Variants in PPARGC1A observed in about 807,000 individuals in gnomAD.
PPARGC1A encodes the protein PPARG coactivator 1 alpha, also known as peroxisome proliferator-activated receptor gamma coactivator 1-alpha.
A neutral mutation model predicts 88.7 loss-of-function variants in PPARGC1A; 25 were observed. That is an observed-to-expected ratio of 0.28 (90% CI 0.21 to 0.39). PPARGC1A has a LOEUF of 0.39. PPARGC1A is among the 10% of genes least tolerant of loss of function. The pLI is 1.00. For missense variants in PPARGC1A, 880 were observed against 968.7 expected, an observed-to-expected ratio of 0.91 and a Z score of 1.22; for synonymous variants, 363 against 355.6, an observed-to-expected ratio of 1.02 and a Z score of -0.24.
chr4:24,122,096 C>T, the PPARGC1A span, among the ~76,000 whole-genome samples: 5 of 152,174 alleles, frequency 3.3e-5, no homozygotes, highest in South Asian at 2.1e-4. Flanking sequence ...GGTTTGGGTT[C>T]GGTGTGACAG....
At chr4:24,083,271 G>C in the PPARGC1A span, among the ~76,000 whole-genome samples, 1 of 152,056 alleles carries the variant, frequency 6.6e-6, no homozygotes, top group Non-Finnish European at 1.5e-5. Context: ...CTCCCTAACT[G>C]AGCTATAGCT....
At chr4:24,405,745 A>G in the PPARGC1A span, among the ~76,000 whole-genome samples, 2 of 152,152 alleles carry the variant, frequency 1.3e-5, no homozygotes, top group African/African-American at 4.8e-5. Context: ...GAAAGAACAC[A>G]TTAGAGGACA....
the PPARGC1A span, among the ~76,000 whole-genome samples, chr4:24,026,031 T>A: frequency 6.6e-6 from 1 of 152,198 alleles, no homozygotes; most frequent in African/African-American, 2.4e-5. Flanking sequence ...CTGCCCTACA[T>A]CTTTAAAACC....
the PPARGC1A span, among the ~76,000 whole-genome samples, chr4:24,131,430 A>G: frequency 1.3e-5 from 2 of 152,216 alleles, no homozygotes; most frequent in South Asian, 4.1e-4. Flanking sequence ...ACCAGTAAGT[A>G]AGATATGATC....
the PPARGC1A span, among the ~76,000 whole-genome samples, chr4:23,974,250 A>G: frequency 6.6e-6 from 1 of 152,216 alleles, no homozygotes; most frequent in Non-Finnish European, 1.5e-5. Flanking sequence ...ACCATCTGTG[A>G]CAATGTTATA....
At chr4:23,834,328 C>CAT (rs1394263160) in intron 2 of PPARGC1A, among the ~76,000 whole-genome samples, 1 of 151,258 alleles carries the variant, frequency 6.6e-6, no homozygotes, top group Non-Finnish European at 1.5e-5. Context: ...TACACACACA[C>CAT]ATATATATAA....
the PPARGC1A span, among the ~76,000 whole-genome samples, chr4:24,438,282 G>A: frequency 2.0e-5 from 3 of 152,188 alleles, no homozygotes; most frequent in African/African-American, 7.2e-5. Flanking sequence ...GTAAGAAACA[G>A]ATGTGAGAGT....
At chr4:24,188,022 TC>T in the PPARGC1A span, among the ~76,000 whole-genome samples, 1 of 152,172 alleles carries the variant, frequency 6.6e-6, no homozygotes, top group African/African-American at 2.4e-5. Flanking sequence ...ACAGCATATA[TC>T]CAAAAGCCTG....
At chr4:24,208,182 T>C in the PPARGC1A span, among the ~76,000 whole-genome samples, 2 of 151,348 alleles carry the variant, frequency 1.3e-5, no homozygotes, top group Non-Finnish European at 2.9e-5. Flanking sequence ...ACTAGGGAGG[T>C]TGAGATGGGA....
At chr4:24,326,177 C>T in the PPARGC1A span, among the ~76,000 whole-genome samples, 1 of 152,126 alleles carries the variant, frequency 6.6e-6, no homozygotes, top group African/African-American at 2.4e-5. Flanking sequence ...ACCTAATCAC[C>T]CTTACCCCGC....
chr4:24,028,686 T>C, the PPARGC1A span, among the ~76,000 whole-genome samples: 1 of 152,158 alleles, frequency 6.6e-6, no homozygotes, highest in Non-Finnish European at 1.5e-5. Context: ...GTGCTTCTGT[T>C]CCCTCTCCTG....
chr4:24,409,436 A>AT, the PPARGC1A span, among the ~76,000 whole-genome samples: 11 of 152,104 alleles, frequency 7.2e-5, no homozygotes, highest in East Asian at 1.9e-4. Context: ...TGTGCAAAGA[A>AT]TTTTTTTTCC....
chr4:23,828,814 C>T (rs1201196474), intron 4 of PPARGC1A, among the ~76,000 whole-genome samples: 1 of 152,038 alleles, frequency 6.6e-6, no homozygotes, highest in Non-Finnish European at 1.5e-5. Flanking sequence ...TATTTTATTT[C>T]TCCTACATTT....
At chr4:23,983,374 G>A in the PPARGC1A span, among the ~76,000 whole-genome samples, 4 of 152,008 alleles carry the variant, frequency 2.6e-5, no homozygotes, top group Admixed American at 1.3e-4. Flanking sequence ...TTATTATAAC[G>A]TGCTTACATA....
the PPARGC1A span, among the ~76,000 whole-genome samples, chr4:24,375,718 G>A: frequency 3.3e-5 from 5 of 152,132 alleles, no homozygotes; most frequent in East Asian, 9.6e-4. Context: ...GAATAAAAAG[G>A]GGGTCGCGAT....
At chr4:24,168,464 C>G in the PPARGC1A span, among the ~76,000 whole-genome samples, 1 of 152,196 alleles carries the variant, frequency 6.6e-6, no homozygotes, top group Non-Finnish European at 1.5e-5. Context: ...AATGAGCACT[C>G]GTAGCATTCA....
chr4:24,259,060 G>A, the PPARGC1A span, among the ~76,000 whole-genome samples: 1 of 152,116 alleles, frequency 6.6e-6, no homozygotes, highest in Admixed American at 6.6e-5. Context: ...ATAGTTTCTA[G>A]ACATTCCTGG....
chr4:24,278,271 C>T, the PPARGC1A span, among the ~76,000 whole-genome samples: 483 of 152,244 alleles, frequency 3.2e-3, 5 homozygotes, highest in African/African-American at 0.011. Flanking sequence ...AGATATACTA[C>T]AATGTACCAA....
At chr4:24,210,029 C>T in the PPARGC1A span, among the ~76,000 whole-genome samples, 2 of 152,148 alleles carry the variant, frequency 1.3e-5, no homozygotes, top group Non-Finnish European at 2.9e-5. Context: ...GATTGTATGA[C>T]AAATCAAATT....
Sources: allele counts gnomAD v4.1 joint callset (sites outside exome capture counted in the v4.1 genomes callset), GRCh38; gene constraint gnomAD v4.1.1; transcripts MANE v1.5; gene names NCBI Gene and HGNC (gene_info 2026-07-23, HGNC 2026-07-21).